Variants in ZNF23 observed in about 807,000 individuals in gnomAD.
ZNF23 encodes the protein kruppel-like zinc finger factor X31.
Under a neutral mutation model 56.2 loss-of-function variants are expected in ZNF23, and 48 were observed. The observed-to-expected ratio is 0.85, with a 90% CI of 0.68 to 1.09. The LOEUF (loss-of-function observed/expected upper bound fraction) is 1.09. ZNF23 is among the 50% of genes least tolerant of loss of function. ZNF23 has a pLI of 0.00. For synonymous variants in ZNF23, 266 were observed against 283.3 expected (o/e 0.94, Z 0.61); for missense variants, 805 against 811.4 (o/e 0.99, Z 0.10).
In ZNF23 at chr16:71,448,114, GA is replaced by G; in HGVS notation, c.2039del (p.Val680AlafsTer17). The G allele has an allele frequency of 6.2e-7, 1 of 1,604,838 alleles. No individual in the cohort carries two copies. Among genetic ancestry groups the G allele is most frequent in the Non-Finnish European group, 8.5e-7 (1 of 1,176,290 alleles). On this transcript the variant is annotated frameshift_variant, in exon 5 of 5. Transcript: ENST00000647773. LOFTEE classifies it high-confidence loss of function. ...FSFQLSQHQS[V>X]HSEGKS The stretch of plus-strand genomic sequence containing the variant: ...ATTATTAGGATTTTCCTTCACTATG[GA>G]CACTCTGATGCTGACTGAGCTGGAA...
intron 2 of ZNF23, among the ~76,000 whole-genome samples, chr16:71,455,264 C>T (rs1333585802): frequency 1.3e-5 from 2 of 152,198 alleles, no homozygotes. Context: ...GTCAGAATCA[C>T]CCTCACAAGA....
At chr16:71,460,958 AG>A (rs2043425142) in intron 1 of ZNF23, among the ~76,000 whole-genome samples, 1 of 152,244 alleles carries the variant, frequency 6.6e-6, no homozygotes, top group Admixed American at 6.5e-5. Context: ...AACATTACCC[AG>A]AAGCTACACA....
At chr16:71,454,412 C>G (rs1336688857) in intron 2 of ZNF23, among the ~76,000 whole-genome samples, 1 of 152,150 alleles carries the variant, frequency 6.6e-6, no homozygotes, top group Non-Finnish European at 1.5e-5. Context: ...TTAAGACAGG[C>G]TGAAAGAAAA....
At chr16:71,452,251 G>A (rs1003876633) in intron 4 of ZNF23, 2 of 152,104 alleles carry the variant, frequency 1.3e-5, no homozygotes, top group Non-Finnish European at 2.9e-5. Flanking sequence ...TCCAAAACAT[G>A]CCTTCTTTGG....
rs1352018869 is a variant in ZNF23, at chr16:71,449,781, C to A, written c.373G>T (p.Glu125Ter). The change falls in exon 5 of 5, where the codon GAA becomes TAA. Residue 125 changes from glutamate to a stop codon, truncating the protein, a stop_gained. Coordinates refer to ENST00000647773, the MANE Select transcript of ZNF23 (RefSeq NM_001381984.1). LOFTEE classifies it high-confidence loss of function. ...TGTTGTTTCTCTAGAAGAGAGGCTT[C>A]TGAAAAGTCTGTTTCCTGGGAAAAG... ...RDFSQETDFS[E>*]ASLLEKQQEV... is the part of the protein sequence containing the mutation. 1 of 1,613,970 alleles carries A rather than the reference C, an allele frequency of 6.2e-7. No homozygotes were observed. Among genetic ancestry groups the A allele is most frequent in the South Asian group, 1.1e-5 (1 of 91,076 alleles).
chr16:71,454,032 G>C lies in ZNF23; in HGVS notation c.160+10C>G. On this transcript the variant is annotated intron_variant, in intron 3 of 4. Transcript: ENST00000647773. ...GCAGATTCCAGGTTCCCAGGGTAGA[G>C]AGGTCTTACCCAGGGAGGCCACATT... 6.2e-7 allele frequency: 1 copy of C among 1,613,994 alleles called. No homozygotes were observed. The highest frequency in any genetic ancestry group is 8.5e-7 in the Non-Finnish European group (1 of 1,179,912).
At chr16:71,457,387 A>G (rs1212223789) in intron 1 of ZNF23, among the ~76,000 whole-genome samples, 1 of 152,178 alleles carries the variant, frequency 6.6e-6, no homozygotes, top group Non-Finnish European at 1.5e-5. Context: ...ACACGGTGAA[A>G]CCCCGTCTCT....
At chr16:71,459,353 G>T (rs547429132) in intron 1 of ZNF23, among the ~76,000 whole-genome samples, 35 of 152,236 alleles carry the variant, frequency 2.3e-4, no homozygotes, top group Non-Finnish European at 4.7e-4. Context: ...CGCCCTGCAA[G>T]GCAGAGCCTG....
chr16:71,453,411 A>T, intron 3 of ZNF23, 61 bp from the exon 4 acceptor site: 14 of 1,303,834 alleles, frequency 1.1e-5, no homozygotes, highest in Non-Finnish European at 1.5e-5. Flanking sequence ...CAAATTCCTA[A>T]GCCTCTTCTC....
chr16:71,450,737 C>G (rs567872660), intron 4 of ZNF23: 39 of 425,042 alleles, frequency 9.2e-5, no homozygotes, highest in Admixed American at 3.7e-4. Context: ...AAAAAAGTGA[C>G]AGTAGTGGAA....
chr16:71,450,130 G>GA (rs1443080578), intron 4 of ZNF23: 28 of 341,010 alleles, frequency 8.2e-5, no homozygotes, highest in South Asian at 3.4e-4. Flanking sequence ...AAAACAAGTT[G>GA]AAAAAACAGT....
intron 4 of ZNF23, chr16:71,452,689 G>C (rs2043097425): frequency 6.6e-6 from 1 of 152,346 alleles, no homozygotes. Flanking sequence ...TTATAAGCTA[G>C]GTATTTGATA....
At chr16:71,460,092 A>G (rs912900815) in intron 1 of ZNF23, among the ~76,000 whole-genome samples, 1 of 152,180 alleles carries the variant, frequency 6.6e-6, no homozygotes, top group African/African-American at 2.4e-5. Flanking sequence ...AACATCCTAG[A>G]AAGTATATGA....
At position 71,453,215 on chromosome 16, in the gene ZNF23, CAGAGTGGGAAAT is replaced by C; in HGVS notation, c.268+16_268+27del. On this transcript the variant is annotated intron_variant, in intron 4 of 4. Coordinates refer to ENST00000647773, the MANE Select transcript of ZNF23 (RefSeq NM_001381984.1). The stretch of plus-strand genomic sequence containing the variant: ...TTATGCCTAAAGTGCTAAATTCCAA[CAGAGTGGGAAAT>C]ATGTACCTCCCTTACCAGTCTGGAG... 1 of 1,552,414 alleles carries C rather than the reference CAGAGTGGGAAAT, an allele frequency of 6.4e-7. No individual in the cohort carries two copies. The highest frequency in any genetic ancestry group is 2.3e-5 in the East Asian group (1 of 43,642).
Position 71,449,936 on chromosome 16 carries a change from A to T in ZNF23, c.269-51T>A, listed in dbSNP as rs2042996808. On this transcript the variant is annotated intron_variant, in intron 4 of 4. Transcript: ENST00000647773. ...GTCATGTAAGAACCATGTTAGGAAA[A>T]AGAAGAGAACTGTGCTATAAAAGAC... 2.1e-6 allele frequency: 3 copies of T among 1,446,408 alleles called. No homozygotes were observed. In the East Asian group the frequency reaches 6.9e-5, roughly 33 times the overall value. 89.6% of individuals were successfully genotyped at this position (1,446,408 alleles called of 1,614,324 possible). A position where few individuals can be genotyped will look rare whatever the true frequency, so the allele number is the denominator to read the frequency against.
At chr16:71,461,402 A>G (rs11644440) in intron 1 of ZNF23, among the ~76,000 whole-genome samples, 1 of 152,210 alleles carries the variant, frequency 6.6e-6, no homozygotes, top group African/African-American at 2.4e-5. Flanking sequence ...ACATAACCAC[A>G]CTTAAGTGGT....
At chr16:71,456,993 G>C (rs1249008201) in intron 1 of ZNF23, among the ~76,000 whole-genome samples, 165 bp from the exon 2 acceptor site, 1 of 152,160 alleles carries the variant, frequency 6.6e-6, no homozygotes, top group Non-Finnish European at 1.5e-5. Context: ...CAGTGCCTAG[G>C]ACTCCAGGCT....
Position 71,448,002 on chromosome 16 carries a change from T to C in ZNF23, c.*91A>G. The C allele has an allele frequency of 9.8e-7, 1 of 1,023,106 alleles. No individual in the cohort carries two copies. The highest frequency in any genetic ancestry group is 1.8e-5 in the South Asian group (1 of 54,676). 63.4% of individuals were successfully genotyped at this position (1,023,106 alleles called of 1,614,324 possible). A position where few individuals can be genotyped will look rare whatever the true frequency, so the allele number is the denominator to read the frequency against. ...CCATATGAAGACTCTGCCATATTCA[T>C]GCCCTCTTGGAGGTTTTTCAATGGA... On this transcript the variant is annotated 3_prime_UTR_variant, in exon 5 of 5. Coordinates refer to ENST00000647773, the MANE Select transcript of ZNF23 (RefSeq NM_001381984.1).
At chr16:71,450,676 G>A (rs749811806) in intron 4 of ZNF23, 7 of 435,690 alleles carry the variant, frequency 1.6e-5, no homozygotes, top group Middle Eastern at 3.5e-4. Flanking sequence ...CCAAGTTCTT[G>A]CCACTGCACT....
Sources: gnomAD v4.1 joint callset for allele counts (sites outside exome capture counted in the v4.1 genomes callset) on GRCh38, gnomAD v4.1.1 for gene constraint, MANE v1.5 for transcripts, NCBI Gene and HGNC (gene_info 2026-07-23, HGNC 2026-07-21) for gene names.